Variants in ELF1 observed in about 807,000 individuals in gnomAD.
ELF1 encodes E74 like ETS transcription factor 1.
Under a neutral mutation model 59.9 loss-of-function variants are expected in ELF1, and 24 were observed. The ratio of observed to expected loss-of-function variants is 0.40; its 90% CI spans 0.29 to 0.56. The LOEUF (loss-of-function observed/expected upper bound fraction) is 0.56, where lower values mean the gene tolerates loss of function less well. Among genes scored for constraint, ELF1 ranks in the 20% least tolerant of loss-of-function variants. The pLI is 0.44. For missense variants in ELF1, 627 were observed against 742.2 expected (o/e 0.84, Z 1.80); for synonymous variants, 248 against 266.2 (o/e 0.93, Z 0.67).
intron 1 of ELF1, among the ~76,000 whole-genome samples, chr13:41,044,605 G>T (rs1876763619): frequency 6.6e-6 from 1 of 152,120 alleles, no homozygotes; most frequent in Non-Finnish European, 1.5e-5. Context: ...TTATTGATTT[G>T]CTTATGTTGA....
chr13:41,016,165 C>A (rs1875348531), intron 1 of ELF1, among the ~76,000 whole-genome samples: 1 of 152,152 alleles, frequency 6.6e-6, no homozygotes, highest in Non-Finnish European at 1.5e-5. Context: ...GTTTTCCCAA[C>A]AGGAATTTAA....
chr13:41,013,570 A>ATC (rs1455212725), intron 1 of ELF1, among the ~76,000 whole-genome samples: 1 of 152,184 alleles, frequency 6.6e-6, no homozygotes, highest in African/African-American at 2.4e-5. Flanking sequence ...GGAAACAAAC[A>ATC]TGAATAGGAG....
chr13:41,044,263 C>T (rs1166209818), intron 1 of ELF1, among the ~76,000 whole-genome samples: 2 of 152,202 alleles, frequency 1.3e-5, no homozygotes, highest in African/African-American at 4.8e-5. Flanking sequence ...TTGATTTCCT[C>T]TTTTCCTAAT....
At chr13:40,975,869 T>G (rs1216681404) in intron 2 of ELF1, among the ~76,000 whole-genome samples, 1 of 152,142 alleles carries the variant, frequency 6.6e-6, no homozygotes, top group Non-Finnish European at 1.5e-5. Flanking sequence ...AAAAAAAATC[T>G]TTAAGAGGAC....
At chr13:41,003,837 G>C (rs1448763412) in intron 1 of ELF1, among the ~76,000 whole-genome samples, 2 of 151,974 alleles carry the variant, frequency 1.3e-5, no homozygotes, top group Non-Finnish European at 1.5e-5. Flanking sequence ...CTTTTAACTA[G>C]GATGAAAACA....
chr13:40,992,001 T>C (rs1166884225), intron 1 of ELF1, among the ~76,000 whole-genome samples: 3 of 152,224 alleles, frequency 2.0e-5, no homozygotes, highest in Admixed American at 2.0e-4. Context: ...CAGATGTTTA[T>C]TGTATGTTTT....
At position 40,990,273 on chromosome 13, in the gene ELF1, CTT is replaced by C. The variant is rs371279606; in HGVS notation, c.-228-7993_-228-7992del. 1.6e-3 allele frequency among the ~76,000 whole-genome samples: 243 copies of C among 152,188 alleles called. 1 individual carries two copies. Among genetic ancestry groups the C allele is most frequent in the African/African-American group, 5.6e-3 (234 of 41,520 alleles). On this transcript the variant is annotated intron_variant, in intron 1 of 8. Transcript: ENST00000239882. ...GCAAAACTACCAGTTTAAGTTACCT[CTT>C]ATGACAATGAGTAAGACTAAGATAT...
At chr13:40,968,395 A>G (rs1872316813) in intron 2 of ELF1, among the ~76,000 whole-genome samples, 1 of 152,242 alleles carries the variant, frequency 6.6e-6, no homozygotes, top group South Asian at 2.1e-4. Flanking sequence ...CACATTTTTA[A>G]TAATTATCTT....
chr13:40,993,210 G>A, intron 1 of ELF1: 7 of 1,541,564 alleles, frequency 4.5e-6, no homozygotes, highest in Non-Finnish European at 6.3e-6. Context: ...TCCTAACAGT[G>A]AGGCAGGAGC....
intron 1 of ELF1, chr13:41,060,820 G>GA (rs1276919259): frequency 8.6e-6 from 2 of 231,224 alleles, no homozygotes; most frequent in African/African-American, 4.6e-5. Context: ...AGTGCTATGA[G>GA]AAACTGCCGT....
intron 8 of ELF1, among the ~76,000 whole-genome samples, chr13:40,940,717 G>A (rs1870101848): frequency 6.6e-6 from 1 of 152,188 alleles, no homozygotes; most frequent in Non-Finnish European, 1.5e-5. Flanking sequence ...TGCCAGTAAT[G>A]TCAAAATGTA....
At chr13:40,992,885 T>C in intron 1 of ELF1, 2 of 609,178 alleles carry the variant, frequency 3.3e-6, no homozygotes, top group Non-Finnish European at 5.8e-6. Flanking sequence ...AAGACTGACC[T>C]CTTTTGGTGA....
intron 1 of ELF1, among the ~76,000 whole-genome samples, chr13:41,008,208 T>C (rs944357305): frequency 6.6e-6 from 1 of 152,232 alleles, no homozygotes; most frequent in Admixed American, 6.5e-5. Context: ...AAAGCATTTA[T>C]GCTATTATTC....
chr13:40,942,921 TAAC>T, intron 7 of ELF1, 28 bp downstream of exon 7: 1 of 1,487,854 alleles, frequency 6.7e-7, no homozygotes, highest in Non-Finnish European at 9.0e-7. Flanking sequence ...ATGATATTCT[TAAC>T]ACAATAAAAT....
chr13:40,939,036 T>TA (rs992797758), intron 8 of ELF1, among the ~76,000 whole-genome samples: 4 of 152,070 alleles, frequency 2.6e-5, no homozygotes, highest in East Asian at 1.9e-4. Flanking sequence ...CTTGTCCTAA[T>TA]AAAAAACCAT....
chr13:40,954,727 G>T (rs2138175791), intron 3 of ELF1, among the ~76,000 whole-genome samples: 1 of 151,844 alleles, frequency 6.6e-6, no homozygotes, highest in East Asian at 1.9e-4. Context: ...CGGGATGGCA[G>T]ACGGAGTCGC....
chr13:40,995,927 C>A (rs951301246), intron 1 of ELF1, among the ~76,000 whole-genome samples: 1 of 152,070 alleles, frequency 6.6e-6, no homozygotes, highest in African/African-American at 2.4e-5. Context: ...AATGAAAAGA[C>A]AAACCACAGA....
In ELF1 at chr13:40,956,571, CAAAAA is replaced by C. The variant is rs34245662; in HGVS notation, c.253+2260_253+2264del. 5.3e-5 allele frequency among the ~76,000 whole-genome samples: 4 copies of C among 76,144 alleles called. No individual in the cohort carries two copies. The South Asian group carries it at 1.7e-3, about 33-fold the overall frequency. 50.0% of individuals were successfully genotyped at this position (76,144 alleles called of 152,430 possible). ...TCTGCGAGAAACACCCAAGAATGAT[CAAAAA>C]AAAAAAAAAAAAAAAAAAGAAAGTT... On this transcript the variant is annotated intron_variant, in intron 3 of 8. Transcript: ENST00000239882.
intron 1 of ELF1, among the ~76,000 whole-genome samples, chr13:40,984,057 T>A (rs976308790): frequency 6.6e-6 from 1 of 152,358 alleles, no homozygotes; most frequent in Admixed American, 6.5e-5. Context: ...TTGTAGTACA[T>A]TGTCTTACAT....
Sources: gnomAD v4.1 joint callset for allele counts (sites outside exome capture counted in the v4.1 genomes callset) on GRCh38, gnomAD v4.1.1 for gene constraint, MANE v1.5 for transcripts, NCBI Gene and HGNC (gene_info 2026-07-23, HGNC 2026-07-21) for gene names.